Variants in PTPRD observed in about 807,000 individuals in gnomAD.
PTPRD encodes the protein receptor-type tyrosine-protein phosphatase delta.
A neutral mutation model predicts 214.5 loss-of-function variants in PTPRD; 34 were observed. That is an observed-to-expected ratio of 0.16 (90% CI 0.12 to 0.21). The LOEUF is 0.21. Ranked by LOEUF, PTPRD falls within the 10% of genes least tolerant of loss-of-function variation. The pLI, the probability that PTPRD is intolerant of heterozygous loss-of-function variation, is 1.00. For synonymous variants in PTPRD, 1,128 were observed against 845.7 expected (o/e 1.33, Z -5.79); for missense variants, 2,545 against 2,398.7 (o/e 1.06, Z -1.27).
rs573730513 is a variant in PTPRD, at chr9:8,509,497, C to G, written c.1544-2063G>C. The stretch of plus-strand genomic sequence containing the variant: ...GTTTGTGTTAACTCCTGACTCAAAC[C>G]AAACCGGACTACAGTATGGTCAAGA... On this transcript the variant is annotated intron_variant, in intron 21 of 45. Transcript: ENST00000381196. 3.3e-5 allele frequency among the ~76,000 whole-genome samples: 5 copies of G among 152,240 alleles called. No individual in the cohort carries two copies. In the South Asian group the frequency reaches 1.0e-3, roughly 32 times the overall value.
In PTPRD at chr9:8,576,631, C is replaced by CAAAAAA. The variant is rs71317371; in HGVS notation, c.353-47858_353-47853dup. ...TTGATCTACAGCAAGGCTAATGCAG[C>CAAAAAA]AAAAAAAAAAAAAAAAAAATCCATA... On this transcript the variant is annotated intron_variant, in intron 14 of 45. Transcript: ENST00000381196. Among the ~76,000 whole-genome samples, 254 of 115,916 alleles carry CAAAAAA rather than the reference C, an allele frequency of 2.2e-3. 10 individuals are homozygous for CAAAAAA. The highest frequency in any genetic ancestry group is 5.5e-3 in the South Asian group (19 of 3,436). The allele number at this position is 115,916 out of a possible 152,430, so 76.0% of individuals were successfully genotyped here.
intron 6 of PTPRD, among the ~76,000 whole-genome samples, chr9:9,747,884 T>C (rs554949613): frequency 6.6e-6 from 1 of 152,236 alleles, no homozygotes; most frequent in East Asian, 1.9e-4. Flanking sequence ...TTTCTAAACT[T>C]AGCAGTATGG....
At chr9:9,530,922 G>A (rs1312016722) in intron 8 of PTPRD, among the ~76,000 whole-genome samples, 1 of 152,058 alleles carries the variant, frequency 6.6e-6, no homozygotes, top group African/African-American at 2.4e-5. Context: ...AGGGGTTGGT[G>A]AATGAGTACA....
chr9:10,580,273 G>A (rs1020808427), intron 2 of PTPRD, among the ~76,000 whole-genome samples: 10 of 152,138 alleles, frequency 6.6e-5, no homozygotes, highest in Non-Finnish European at 1.3e-4. Flanking sequence ...TAGCTAGAGT[G>A]TGAAATAATT....
intron 7 of PTPRD, among the ~76,000 whole-genome samples, chr9:9,606,456 C>T (rs530678636): frequency 6.6e-6 from 1 of 151,838 alleles, no homozygotes; most frequent in African/African-American, 2.4e-5. Flanking sequence ...CTCTTTATCC[C>T]CGTCCATCTC....
At chr9:9,954,872 G>A (rs898732203) in intron 4 of PTPRD, among the ~76,000 whole-genome samples, 1 of 152,120 alleles carries the variant, frequency 6.6e-6, no homozygotes, top group African/African-American at 2.4e-5. Context: ...ACAAAGGAAT[G>A]AGATCAATTT....
At position 9,008,196 on chromosome 9, in the gene PTPRD, TC is replaced by T. The variant is rs904175106; in HGVS notation, c.-104+10500del. Among the ~76,000 whole-genome samples the T allele has an allele frequency of 3.5e-5, 5 of 144,776 alleles. No individual in the cohort carries two copies. In the East Asian group the frequency reaches 8.0e-4, roughly 23 times the overall value. 95.0% of individuals were successfully genotyped at this position (144,776 alleles called of 152,430 possible). ...AGTCTGTTAGGTAACACAGGCCTTC[TC>T]CCCTTCATTTTATTTATTTATTTAT... On this transcript the variant is annotated intron_variant, in intron 11 of 45. Transcript: ENST00000381196.
At chr9:8,735,130 T>G (rs969696877) in intron 11 of PTPRD, among the ~76,000 whole-genome samples, 12 of 148,146 alleles carry the variant, frequency 8.1e-5, no homozygotes, top group African/African-American at 2.5e-4. Context: ...ATAATTTGGT[T>G]TTTTTTTGTT....
intron 2 of PTPRD, among the ~76,000 whole-genome samples, chr9:10,455,431 T>G (rs1012669231): frequency 7.9e-5 from 12 of 151,786 alleles, no homozygotes; most frequent in Non-Finnish European, 1.8e-4. Flanking sequence ...GCTCTATATT[T>G]CTTGTCTTAA....
intron 15 of PTPRD, 24 bp from the exon 16 acceptor site, chr9:8,527,377 A>G: frequency 6.2e-7 from 1 of 1,603,938 alleles, no homozygotes. Context: ...TACGGAGAGA[A>G]GAAAGACAGC....
At chr9:9,655,698 C>G (rs2096493606) in intron 7 of PTPRD, among the ~76,000 whole-genome samples, 1 of 151,922 alleles carries the variant, frequency 6.6e-6, no homozygotes, top group East Asian at 1.9e-4. Context: ...ATGAAAAGAG[C>G]TGGGTGCGGT....
At chr9:10,254,424 A>G (rs542036579) in intron 3 of PTPRD, among the ~76,000 whole-genome samples, 33 of 152,080 alleles carry the variant, frequency 2.2e-4, no homozygotes, top group Non-Finnish European at 3.7e-4. Flanking sequence ...TGCATGTCCT[A>G]GTTTGTCAAA....
At chr9:9,386,889 A>G (rs948290957) in intron 9 of PTPRD, among the ~76,000 whole-genome samples, 14 of 152,178 alleles carry the variant, frequency 9.2e-5, no homozygotes, top group East Asian at 1.9e-4. Context: ...CTGAGCCCCA[A>G]CACAGAGGCA....
chr9:8,767,012 T>C (rs769119829), intron 11 of PTPRD, among the ~76,000 whole-genome samples: 5 of 152,222 alleles, frequency 3.3e-5, no homozygotes, highest in Admixed American at 6.5e-5. Flanking sequence ...GCTATATTTC[T>C]GACCCTAAGC....
intron 5 of PTPRD, among the ~76,000 whole-genome samples, chr9:9,787,170 A>T (rs766847758): frequency 2.0e-5 from 3 of 151,990 alleles, no homozygotes; most frequent in African/African-American, 2.4e-5. Context: ...AAAAATGTTT[A>T]AAAATCAATT....
At chr9:9,609,008 T>C (rs1352113923) in intron 7 of PTPRD, among the ~76,000 whole-genome samples, 1 of 152,188 alleles carries the variant, frequency 6.6e-6, no homozygotes, top group Non-Finnish European at 1.5e-5. Context: ...TTATACCCAA[T>C]TTCTCAAATT....
intron 7 of PTPRD, among the ~76,000 whole-genome samples, chr9:9,643,188 A>ACC (rs1278757126): frequency 1.0e-3 from 159 of 152,300 alleles, no homozygotes; most frequent in African/African-American, 3.8e-3. Context: ...ACAGTTTAGA[A>ACC]TGTCCTTTGC....
rs117926106 is a variant in PTPRD at position 9,063,684 on chromosome 9, A to T, written c.-142-44949T>A. Among the ~76,000 whole-genome samples, 354 of 152,282 alleles carry T rather than the reference A, an allele frequency of 2.3e-3. 8 individuals are homozygous for T. The East Asian group carries it at 0.041, about 18-fold the overall frequency. ...GAAAAACCAAATGCATATCAAAACC[A>T]TTTAGCTTAGTGTAGCATATGACTA... On this transcript the variant is annotated intron_variant, in intron 10 of 45. Transcript: ENST00000381196.
chr9:10,348,788 G>A (rs536558094), intron 2 of PTPRD, among the ~76,000 whole-genome samples: 10 of 152,116 alleles, frequency 6.6e-5, no homozygotes, highest in African/African-American at 2.4e-4. Flanking sequence ...AAAAGGAAAA[G>A]TCCAGCTGGG....
Sources: allele counts gnomAD v4.1 joint callset (sites outside exome capture counted in the v4.1 genomes callset), GRCh38; gene constraint gnomAD v4.1.1; transcripts MANE v1.5; gene names NCBI Gene and HGNC (gene_info 2026-07-23, HGNC 2026-07-21).